The following RBFOX1 variants were observed in gnomAD, a reference collection of about 807,000 sequenced individuals.
The protein encoded by RBFOX1 is RNA binding fox-1 homolog 1.
A neutral mutation model predicts 57.7 loss-of-function variants in RBFOX1; 8 were observed. The observed-to-expected ratio is 0.14, with a 90% confidence interval of 0.08 to 0.25. The LOEUF is 0.25. Among genes scored for constraint, RBFOX1 ranks in the 10% least tolerant of loss-of-function variants. RBFOX1 has a pLI of 1.00. For synonymous variants in RBFOX1, 326 were observed against 222.4 expected, an observed-to-expected ratio of 1.47 and a Z score of -4.15; for missense variants, 611 against 548.5, an observed-to-expected ratio of 1.11 and a Z score of -1.14.
chr16:6,912,864 C>A (rs945184376), intron 3 of RBFOX1, among the ~76,000 whole-genome samples: 3 of 152,092 alleles, frequency 2.0e-5, no homozygotes, highest in African/African-American at 7.2e-5. Flanking sequence ...AAGTGATCCT[C>A]TTGCCTTGAC....
Position 6,608,568 on chromosome 16 carries a change from C to T in RBFOX1, c.-63-46035C>T, listed in dbSNP as rs554775717. Among the ~76,000 whole-genome samples, 32 of 152,190 alleles carry T rather than the reference C, an allele frequency of 2.1e-4. 1 individual carries two copies. The highest frequency in any genetic ancestry group is 1.3e-3 in the Admixed American group (20 of 15,270). On this transcript the variant is annotated intron_variant, in intron 2 of 15. Coordinates refer to ENST00000550418, the MANE Select transcript of RBFOX1 (RefSeq NM_018723.4). The stretch of plus-strand genomic sequence containing the variant: ...TTTTGGAAGGCTGAGGTGGGAGAAT[C>T]GCTTGAGACCAGGAGTTTGAGATGA...
intron 4 of RBFOX1, among the ~76,000 whole-genome samples, chr16:7,080,059 T>TTATATATATATATACATA (rs201835325): frequency 1.5e-5 from 2 of 135,244 alleles, no homozygotes; most frequent in African/African-American, 5.4e-5. Context: ...TATATACATA[T>TTATATATATATATACATA]TATATATATA....
intron 1 of RBFOX1, among the ~76,000 whole-genome samples, chr16:5,376,017 A>G (rs533630612): frequency 3.3e-5 from 5 of 151,794 alleles, no homozygotes; most frequent in African/African-American, 9.7e-5. Flanking sequence ...AAAATACAAA[A>G]ATTAGCCGGG....
intron 3 of RBFOX1, among the ~76,000 whole-genome samples, chr16:5,832,506 G>T (rs963228310): frequency 3.9e-5 from 6 of 152,194 alleles, no homozygotes; most frequent in Admixed American, 3.9e-4. Flanking sequence ...CTGTTTCAAG[G>T]GTTATTTTAT....
intron 4 of RBFOX1, among the ~76,000 whole-genome samples, chr16:7,511,190 G>C (rs1385375207): frequency 6.6e-6 from 1 of 152,140 alleles, no homozygotes; most frequent in Non-Finnish European, 1.5e-5. Context: ...TTCCTGTTCG[G>C]CCACTTAAAG....
chr16:6,072,332 C>A (rs375579452), intron 1 of RBFOX1, among the ~76,000 whole-genome samples: 2 of 152,124 alleles, frequency 1.3e-5, no homozygotes, highest in African/African-American at 2.4e-5. Flanking sequence ...CACAGCCAAA[C>A]CATATCACTG....
chr16:6,978,906 T>C (rs1168370658), intron 3 of RBFOX1, among the ~76,000 whole-genome samples: 1 of 152,102 alleles, frequency 6.6e-6, no homozygotes, highest in African/African-American at 2.4e-5. Context: ...GCAGAGTGCA[T>C]TGGAAGGGCA....
chr16:7,449,135 G>A (rs2068802053), intron 4 of RBFOX1, among the ~76,000 whole-genome samples: 1 of 151,894 alleles, frequency 6.6e-6, no homozygotes, highest in Non-Finnish European at 1.5e-5. Flanking sequence ...CTCCATGTTG[G>A]TCAGGCTGGT....
chr16:5,516,622 G>A (rs1412842122), intron 2 of RBFOX1, among the ~76,000 whole-genome samples: 2 of 152,112 alleles, frequency 1.3e-5, no homozygotes, highest in African/African-American at 2.4e-5. Context: ...ATTTGGTTTT[G>A]TGGTATTTCC....
chr16:5,735,000 G>T (rs1202196997), intron 3 of RBFOX1, among the ~76,000 whole-genome samples: 3 of 152,136 alleles, frequency 2.0e-5, no homozygotes, highest in Non-Finnish European at 4.4e-5. Context: ...AGAAAAGAAA[G>T]AAGACAACTC....
chr16:7,074,774 T>G (rs1290208723), intron 4 of RBFOX1, among the ~76,000 whole-genome samples: 2 of 152,142 alleles, frequency 1.3e-5, no homozygotes, highest in Non-Finnish European at 2.9e-5. Context: ...CTGAAAACAT[T>G]ATAAAGAAAT....
chr16:6,993,706 C>G (rs1181868012), intron 3 of RBFOX1, among the ~76,000 whole-genome samples: 1 of 152,118 alleles, frequency 6.6e-6, no homozygotes, highest in Non-Finnish European at 1.5e-5. Flanking sequence ...GTTTCTCCCT[C>G]CAATCCAATT....
At chr16:5,985,575 C>T (rs1475084954) in intron 4 of RBFOX1, among the ~76,000 whole-genome samples, 1 of 152,192 alleles carries the variant, frequency 6.6e-6, no homozygotes, top group African/African-American at 2.4e-5. Flanking sequence ...AGGCAGCCAG[C>T]TCCAAGGCTA....
At chr16:7,646,453 T>G (rs1324307044) in intron 11 of RBFOX1, among the ~76,000 whole-genome samples, 4 of 152,148 alleles carry the variant, frequency 2.6e-5, no homozygotes, top group African/African-American at 9.7e-5. Context: ...ACAGAACAAT[T>G]TCACCCCAAA....
chr16:7,117,329 G>A (rs2151723120), intron 4 of RBFOX1, among the ~76,000 whole-genome samples: 1 of 152,230 alleles, frequency 6.6e-6, no homozygotes, highest in South Asian at 2.1e-4. Context: ...TGATTCGGTG[G>A]TAATGTGTCA....
rs2096618493 is a variant in RBFOX1 at position 6,528,905 on chromosome 16, G to A, written c.-63-125698G>A. On this transcript the variant is annotated intron_variant, in intron 2 of 15. Coordinates refer to ENST00000550418, the MANE Select transcript of RBFOX1 (RefSeq NM_018723.4). Reference sequence around the variant, plus strand: ...CTCCTGGTGGAAGAAATTGGTGTAGGGGCCAGAGGAATATTTATTAAATGA... The same window carrying A: ...CTCCTGGTGGAAGAAATTGGTGTAGAGGCCAGAGGAATATTTATTAAATGA... Among the ~76,000 whole-genome samples, 2 of 152,072 alleles carry A rather than the reference G, an allele frequency of 1.3e-5. 1 individual carries two copies. Among genetic ancestry groups the A allele is most frequent in the Non-Finnish European group, 2.9e-5 (2 of 68,008 alleles).
At chr16:5,706,237 GTCTTAGAACAT>G (rs1373267332) in intron 3 of RBFOX1, among the ~76,000 whole-genome samples, 3 of 152,158 alleles carry the variant, frequency 2.0e-5, no homozygotes, top group Admixed American at 6.5e-5. Flanking sequence ...TATGATTTTT[GTCTTAGAACAT>G]TCCGAAAGTT....
At chr16:6,692,995 T>G (rs2060439012) in intron 3 of RBFOX1, among the ~76,000 whole-genome samples, 1 of 149,982 alleles carries the variant, frequency 6.7e-6, no homozygotes, top group African/African-American at 2.5e-5. Context: ...ATCGTTCTCC[T>G]CCACTACCAT....
chr16:6,180,428 T>A (rs1297354590), intron 1 of RBFOX1, among the ~76,000 whole-genome samples: 1 of 152,088 alleles, frequency 6.6e-6, no homozygotes, highest in African/African-American at 2.4e-5. Flanking sequence ...GTCCATAAGA[T>A]ACCCTTATAA....
Sources: allele counts gnomAD v4.1 joint callset (sites outside exome capture counted in the v4.1 genomes callset), GRCh38; gene constraint gnomAD v4.1.1; transcripts MANE v1.5; gene names NCBI Gene and HGNC (gene_info 2026-07-23, HGNC 2026-07-21).